Variants in LYPD6B observed in about 807,000 individuals in gnomAD.
LYPD6B encodes LY6/PLAUR domain containing 6B, also known as ly6/PLAUR domain-containing protein 6B.
A neutral mutation model predicts 22.8 loss-of-function variants in LYPD6B; 17 were observed. The observed-to-expected ratio is 0.75, with a 90% confidence interval of 0.51 to 1.12. LYPD6B has a LOEUF of 1.12. LYPD6B is among the 50% of genes most tolerant of loss of function. LYPD6B has a pLI of 0.00. For synonymous variants in LYPD6B, 106 were observed against 91.6 expected (o/e 1.16, Z -0.90); for missense variants, 221 against 258.3 (o/e 0.86, Z 0.99).
intron 2 of LYPD6B, chr2:149,131,584 C>G (rs564974993): frequency 3.3e-5 from 5 of 152,198 alleles, no homozygotes; most frequent in African/African-American, 1.2e-4. Flanking sequence ...AGCTGCAAGC[C>G]TCCTGCACAA....
chr2:149,212,028 T>C (rs187082100), intron 5 of LYPD6B, among the ~76,000 whole-genome samples: 2 of 152,020 alleles, frequency 1.3e-5, no homozygotes, highest in East Asian at 3.9e-4. Flanking sequence ...AAAATGGAAA[T>C]ACATGGATGA....
chr2:149,115,620 G>A (rs2105559759), intron 1 of LYPD6B, among the ~76,000 whole-genome samples: 1 of 152,286 alleles, frequency 6.6e-6, no homozygotes, highest in East Asian at 1.9e-4. Flanking sequence ...TGGTGATTGT[G>A]GAAATGTTTA....
chr2:149,066,262 G>A (rs1439754945), intron 1 of LYPD6B, among the ~76,000 whole-genome samples: 1 of 151,402 alleles, frequency 6.6e-6, no homozygotes, highest in East Asian at 1.9e-4. Flanking sequence ...GTGCCATGTT[G>A]GTGTGCTGCA....
At chr2:149,140,045 G>A (rs1688594669) in intron 2 of LYPD6B, among the ~76,000 whole-genome samples, 1 of 151,960 alleles carries the variant, frequency 6.6e-6, no homozygotes, top group African/African-American at 2.4e-5. Context: ...TTCTTTACTG[G>A]AACTGAATTC....
At chr2:149,095,410 G>A (rs1023725659) in intron 1 of LYPD6B, among the ~76,000 whole-genome samples, 3 of 152,234 alleles carry the variant, frequency 2.0e-5, no homozygotes, top group Non-Finnish European at 4.4e-5. Context: ...AGTTGAAGAC[G>A]TTTAATTCTC....
chr2:149,156,638 T>C (rs1447542927), intron 2 of LYPD6B, among the ~76,000 whole-genome samples: 2 of 152,134 alleles, frequency 1.3e-5, no homozygotes, highest in African/African-American at 2.4e-5. Context: ...GATTTCTTCT[T>C]ATAAGGTCAC....
At chr2:149,068,848 T>G (rs996164092) in intron 1 of LYPD6B, 2 of 380,198 alleles carry the variant, frequency 5.3e-6, no homozygotes, top group African/African-American at 4.2e-5. Context: ...CTACTCCAGG[T>G]TTATCGCCTG....
rs374023752 is a variant in LYPD6B at position 149,214,716 on chromosome 2, C to T, written c.*6C>T. 18 of 1,613,750 alleles carry T rather than the reference C, an allele frequency of 1.1e-5. No homozygotes were observed. The highest frequency in any genetic ancestry group is 8.3e-5 in the Admixed American group (5 of 59,994). On this transcript the variant is annotated 3_prime_UTR_variant, in exon 7 of 7. Coordinates refer to ENST00000409642, the MANE Select transcript of LYPD6B (RefSeq NM_177964.5). The stretch of plus-strand genomic sequence containing the variant: ...TTGTGCTTCCATTGCTGTGATGCCA[C>T]CATTCCTAGGAGAGGCAGAGACCAG...
intron 3 of LYPD6B, among the ~76,000 whole-genome samples, chr2:149,193,874 G>A (rs1266078315): frequency 6.6e-6 from 1 of 152,144 alleles, no homozygotes; most frequent in African/African-American, 2.4e-5. Flanking sequence ...GATATTGATA[G>A]GTATAATATT....
At chr2:149,113,201 A>AAGAC (rs5835282) in intron 1 of LYPD6B, among the ~76,000 whole-genome samples, 126,494 of 151,730 alleles carry the variant, frequency 0.83, 52,984 homozygotes, top group East Asian at 0.93. Flanking sequence ...TTGGCTTGTA[A>AAGAC]AGTCTTAGTT....
At chr2:149,191,704 T>A (rs1478856536) in intron 3 of LYPD6B, among the ~76,000 whole-genome samples, 1 of 152,206 alleles carries the variant, frequency 6.6e-6, no homozygotes, top group Non-Finnish European at 1.5e-5. Flanking sequence ...CCTTTTCAGG[T>A]CAGGGAGAGG....
At chr2:149,059,322 G>A (rs1051277089) in intron 1 of LYPD6B, among the ~76,000 whole-genome samples, 3 of 152,256 alleles carry the variant, frequency 2.0e-5, no homozygotes, top group African/African-American at 7.2e-5. Flanking sequence ...GCACAGTACA[G>A]GGACTTTTGC....
At chr2:149,179,384 A>G (rs1691550109) in intron 3 of LYPD6B, among the ~76,000 whole-genome samples, 1 of 152,222 alleles carries the variant, frequency 6.6e-6, no homozygotes, top group African/African-American at 2.4e-5. Context: ...TAAAATCTGT[A>G]GCCTTTATGT....
intron 3 of LYPD6B, among the ~76,000 whole-genome samples, chr2:149,175,890 C>T (rs1691266416): frequency 6.6e-6 from 1 of 152,020 alleles, no homozygotes; most frequent in Non-Finnish European, 1.5e-5. Context: ...GCTGACATCT[C>T]CTATGATAAC....
intron 3 of LYPD6B, among the ~76,000 whole-genome samples, chr2:149,162,615 A>G (rs998748473): frequency 1.3e-4 from 20 of 152,166 alleles, no homozygotes; most frequent in Admixed American, 5.2e-4. Flanking sequence ...GTAGTTCAAG[A>G]TCGTTAAAGC....
At chr2:149,107,016 A>C (rs1209393291) in intron 1 of LYPD6B, among the ~76,000 whole-genome samples, 1 of 152,172 alleles carries the variant, frequency 6.6e-6, no homozygotes, top group African/African-American at 2.4e-5. Context: ...TTCATTATAC[A>C]TACGCACCTA....
intron 1 of LYPD6B, among the ~76,000 whole-genome samples, chr2:149,039,056 G>T (rs1442460198): frequency 6.6e-6 from 1 of 151,904 alleles, no homozygotes; most frequent in African/African-American, 2.4e-5. Context: ...GGAGCAGGGG[G>T]CCGGGGCAAG....
rs1004140326 is a variant in LYPD6B at position 149,096,096 on chromosome 2, A to C, written c.-66-34787A>C. ...ACAGAAAGAGACAGTGATGAGAGAG[A>C]CACTACCAGAAGACAGAGAAGAGAG... On this transcript the variant is annotated intron_variant, in intron 1 of 6. Coordinates refer to ENST00000409642, the MANE Select transcript of LYPD6B (RefSeq NM_177964.5). Among the ~76,000 whole-genome samples, 93 of 152,026 alleles carry C rather than the reference A, an allele frequency of 6.1e-4. 1 individual carries two copies. Among genetic ancestry groups the C allele is most frequent in the Non-Finnish European group, 2.4e-4 (16 of 67,980 alleles).
chr2:149,039,071 G>C (rs1278480146), intron 1 of LYPD6B, among the ~76,000 whole-genome samples: 7 of 151,918 alleles, frequency 4.6e-5, no homozygotes, highest in Non-Finnish European at 1.0e-4. Flanking sequence ...GGCAAGGCTG[G>C]AGCGGTGTGG....
Sources: allele counts gnomAD v4.1 joint callset (sites outside exome capture counted in the v4.1 genomes callset), GRCh38; gene constraint gnomAD v4.1.1; transcripts MANE v1.5; gene names NCBI Gene and HGNC (gene_info 2026-07-23, HGNC 2026-07-21).